The following SLCO3A1 variants were observed in gnomAD, a reference collection of about 807,000 sequenced individuals.
The protein encoded by SLCO3A1 is PGE1 transporter.
Under a neutral mutation model 63.1 loss-of-function variants are expected in SLCO3A1, and 27 were observed. The ratio of observed to expected loss-of-function variants is 0.43; its 90% CI spans 0.32 to 0.59. The LOEUF (loss-of-function observed/expected upper bound fraction) is 0.59, where lower values mean the gene tolerates loss of function less well. Among genes scored for constraint, SLCO3A1 ranks in the 20% least tolerant of loss-of-function variants. SLCO3A1 has a pLI of 0.09. For synonymous variants in SLCO3A1, 473 were observed against 409.9 expected (o/e 1.15, Z -1.86); for missense variants, 773 against 945.8 (o/e 0.82, Z 2.40).
In SLCO3A1 at chr15:92,126,209, G is replaced by A. The variant is rs150435353; in HGVS notation, c.1323G>A (p.Leu441=). 2.5e-6 allele frequency: 4 copies of A among 1,613,840 alleles called. No individual in the cohort carries two copies. The African/African-American group carries it at 5.3e-5, about 22-fold the overall frequency. The change falls in exon 6 of 10, where the codon CTG becomes CTA. Residue 441 remains leucine (L), a synonymous_variant. Transcript: ENST00000318445. Reference sequence around the variant, plus strand: ...CTTGCTACGTCTCCTTCCTCTTCCTGGGCTGCGACACTGGCCCTGTGGCTG... The same window carrying A: ...CTTGCTACGTCTCCTTCCTCTTCCTAGGCTGCGACACTGGCCCTGTGGCTG... The part of the protein sequence containing the change: ...STACYVSFLF[L]GCDTGPVAGV...
chr15:92,001,406 A>AGGAACCT (rs1008719422), intron 2 of SLCO3A1, among the ~76,000 whole-genome samples: 82 of 152,298 alleles, frequency 5.4e-4, no homozygotes, highest in African/African-American at 2.0e-3. Context: ...GTGGTCCATT[A>AGGAACCT]GGAACCTTCT....
intron 2 of SLCO3A1, among the ~76,000 whole-genome samples, chr15:92,094,234 C>T (rs1442759669): frequency 6.6e-6 from 1 of 152,132 alleles, no homozygotes; most frequent in Non-Finnish European, 1.5e-5. Flanking sequence ...TCACTTAATT[C>T]CTGAACAGCT....
At chr15:92,076,727 G>A (rs1457556232) in intron 2 of SLCO3A1, among the ~76,000 whole-genome samples, 1 of 152,210 alleles carries the variant, frequency 6.6e-6, no homozygotes, top group Admixed American at 6.5e-5. Context: ...GAGGCCCTGA[G>A]CCAGGTCCCC....
At chr15:91,952,398 A>C (rs1338106899) in intron 2 of SLCO3A1, among the ~76,000 whole-genome samples, 1 of 152,246 alleles carries the variant, frequency 6.6e-6, no homozygotes, top group Non-Finnish European at 1.5e-5. Context: ...AACTCTACCA[A>C]AGAACAGTTG....
In SLCO3A1 at chr15:91,854,221, G is replaced by C. The variant is rs908153599; in HGVS notation, c.180+133G>C. The C allele has an allele frequency of 3.5e-5, 39 of 1,121,796 alleles. No individual in the cohort carries two copies. Among genetic ancestry groups the C allele is most frequent in the East Asian group, 1.1e-4 (3 of 28,432 alleles). 69.5% of individuals were successfully genotyped at this position (1,121,796 alleles called of 1,614,324 possible). ...ACCTCGGCCCGGCGTGGAGGTTGGCGAGTGGTGCAGAGGCGGCCGCCGGGG... is the reference window on the plus strand; with the variant it reads ...ACCTCGGCCCGGCGTGGAGGTTGGCCAGTGGTGCAGAGGCGGCCGCCGGGG... On this transcript the variant is annotated intron_variant, in intron 1 of 9. Coordinates refer to ENST00000318445, the MANE Select transcript of SLCO3A1 (RefSeq NM_013272.4). The surrounding 1 kb of genome is among the most constrained non-coding windows in gnomAD (Gnocchi z 6.4).
rs762991469 is a variant in SLCO3A1, at chr15:92,095,012, C to T, written c.745+33C>T. 5.6e-6 allele frequency: 8 copies of T among 1,425,678 alleles called. No individual in the cohort carries two copies. The Admixed American group carries it at 1.0e-4, about 18-fold the overall frequency. The allele number at this position is 1,425,678 out of a possible 1,614,324, so 88.3% of individuals were successfully genotyped here. ...ATATATCTCCATGTCTACCTTCCAT[C>T]CGCAAGCGTTTCCTCCCTCATAAAT... On this transcript the variant is annotated intron_variant, in intron 3 of 9. Coordinates refer to ENST00000318445, the MANE Select transcript of SLCO3A1 (RefSeq NM_013272.4).
chr15:92,128,504 C>A lies in SLCO3A1; in HGVS notation c.1512+15C>A. 6.4e-7 allele frequency: 1 copy of A among 1,563,574 alleles called. No homozygotes were observed. The highest frequency in any genetic ancestry group is 2.2e-5 in the East Asian group (1 of 44,704). The stretch of plus-strand genomic sequence containing the variant: ...GCAACAGCACGGTAATGGGATGGGG[C>A]AGGGGATGGGGCAGGGGATTCAGGC... On this transcript the variant is annotated intron_variant, in intron 7 of 9. Transcript: ENST00000318445.
At chr15:92,096,781 T>G (rs920766966) in intron 3 of SLCO3A1, among the ~76,000 whole-genome samples, 1 of 151,962 alleles carries the variant, frequency 6.6e-6, no homozygotes, top group Admixed American at 6.6e-5. Context: ...TGTTACAAAT[T>G]TCCAAGTGGA....
rs1291897894 is a variant in SLCO3A1 at position 91,941,779 on chromosome 15, G to A, written c.646+25321G>A. Among the ~76,000 whole-genome samples, 1 of 152,074 alleles carries A rather than the reference G, an allele frequency of 6.6e-6. No homozygotes were observed. Among genetic ancestry groups the A allele is most frequent in the Non-Finnish European group, 1.5e-5 (1 of 68,004 alleles). On this transcript the variant is annotated intron_variant, in intron 2 of 9. Coordinates refer to ENST00000318445, the MANE Select transcript of SLCO3A1 (RefSeq NM_013272.4). The surrounding 1 kb of genome is among the most constrained non-coding windows in gnomAD (Gnocchi z 4.4). ...TGTCTGTGTGCAACTTCATCTGAGA[G>A]CGCTCAGGCTTCCCTCTCTCCTCTG...
chr15:91,951,158 C>T (rs911443505), intron 2 of SLCO3A1, among the ~76,000 whole-genome samples: 1 of 152,166 alleles, frequency 6.6e-6, no homozygotes, highest in African/African-American at 2.4e-5. Flanking sequence ...GTACAACCAT[C>T]ACCATTATCT....
At chr15:92,117,786 A>C (rs2047813728) in intron 4 of SLCO3A1, among the ~76,000 whole-genome samples, 1 of 152,198 alleles carries the variant, frequency 6.6e-6, no homozygotes, top group Admixed American at 6.5e-5. Flanking sequence ...TGTAACATCC[A>C]AGGGGCTTCT....
chr15:92,031,457 C>T (rs1224162918), intron 2 of SLCO3A1, among the ~76,000 whole-genome samples: 1 of 152,206 alleles, frequency 6.6e-6, no homozygotes, highest in East Asian at 1.9e-4. Context: ...GTTTGCAGCT[C>T]AATTGCTCCA....
intron 9 of SLCO3A1, among the ~76,000 whole-genome samples, chr15:92,157,903 C>T (rs1466408736): frequency 1.3e-5 from 2 of 152,148 alleles, no homozygotes; most frequent in African/African-American, 4.8e-5. Context: ...CTGAGATTCA[C>T]TCAAGTTGTG....
intron 5 of SLCO3A1, among the ~76,000 whole-genome samples, chr15:92,122,302 C>T (rs1342662640): frequency 3.3e-5 from 5 of 152,172 alleles, no homozygotes; most frequent in Admixed American, 6.5e-5. Context: ...ACTTCGTCTT[C>T]TCTGTAAAGT....
intron 1 of SLCO3A1, among the ~76,000 whole-genome samples, chr15:91,903,596 G>A (rs2151370346): frequency 6.6e-6 from 1 of 152,294 alleles, no homozygotes; most frequent in South Asian, 2.1e-4. Flanking sequence ...GCAAATGAGA[G>A]ATTGGTGCCT....
At chr15:92,085,002 C>T (rs1318237447) in intron 2 of SLCO3A1, among the ~76,000 whole-genome samples, 1 of 152,202 alleles carries the variant, frequency 6.6e-6, no homozygotes, top group Non-Finnish European at 1.5e-5. Context: ...TTATGAAGTG[C>T]TTCATCTGTG....
Position 92,164,779 on chromosome 15 carries a change from A to G in SLCO3A1, c.*1644A>G. On this transcript the variant is annotated 3_prime_UTR_variant, in exon 10 of 10. Transcript: ENST00000318445. ...GAACCTGTTATGATTTGGGGTAAGA[A>G]TCACGTTGGAAAACCTCTCGCAACC... The G allele has an allele frequency of 1.0e-6, 1 of 985,438 alleles. No individual in the cohort carries two copies. The highest frequency in any genetic ancestry group is 1.2e-6 in the Non-Finnish European group (1 of 829,958). The allele number at this position is 985,438 out of a possible 1,614,324, so 61.0% of individuals were successfully genotyped here. A position where few individuals can be genotyped will look rare whatever the true frequency, so the allele number is the denominator to read the frequency against.
intron 2 of SLCO3A1, among the ~76,000 whole-genome samples, chr15:92,075,544 C>T (rs2047266517): frequency 1.3e-5 from 2 of 152,222 alleles, no homozygotes; most frequent in South Asian, 4.1e-4. Context: ...CTCTTCCTGC[C>T]TTGATGAGCT....
intron 2 of SLCO3A1, among the ~76,000 whole-genome samples, chr15:91,933,717 A>G (rs1239525689): frequency 6.6e-6 from 1 of 152,206 alleles, no homozygotes; most frequent in Non-Finnish European, 1.5e-5. Flanking sequence ...TTCTGGGGGT[A>G]TGTACTATTA....
Sources: gnomAD v4.1 joint callset for allele counts (sites outside exome capture counted in the v4.1 genomes callset) on GRCh38, gnomAD v4.1.1 for gene constraint, Gnocchi (gnomAD v3.1) non-coding constraint, MANE v1.5 for transcripts, NCBI Gene and HGNC (gene_info 2026-07-23, HGNC 2026-07-21) for gene names.